Variants in STARD13 observed in about 807,000 individuals in gnomAD.
The protein encoded by STARD13 is StAR related lipid transfer domain containing 13, also known as stAR-related lipid transfer protein 13.
In STARD13, 62 loss-of-function variants were observed where a neutral mutation model predicts 106.4. That is an observed-to-expected ratio of 0.58 (90% confidence interval 0.48 to 0.72). The LOEUF is 0.72. Ranked by LOEUF, STARD13 falls within the 30% of genes least tolerant of loss-of-function variation. The pLI, the probability that STARD13 is intolerant of heterozygous loss-of-function variation, is 0.00. For missense variants in STARD13, 1,387 were observed against 1,424.0 expected, an observed-to-expected ratio of 0.97 and a Z score of 0.42; for synonymous variants, 565 against 553.0, an observed-to-expected ratio of 1.02 and a Z score of -0.31.
intron 1 of STARD13, among the ~76,000 whole-genome samples, chr13:33,211,055 T>C (rs939022622): frequency 6.6e-6 from 1 of 152,162 alleles, no homozygotes; most frequent in African/African-American, 2.4e-5. Context: ...TCATTATAAA[T>C]ATGAAAATAT....
chr13:33,524,315 T>C, the STARD13 span: 2 of 1,246,152 alleles, frequency 1.6e-6, no homozygotes, highest in Non-Finnish European at 2.1e-6. Context: ...GTTTTAGTTC[T>C]ACAAATTCCT....
chr13:33,454,900 A>G, the STARD13 span, among the ~76,000 whole-genome samples: 1 of 152,302 alleles, frequency 6.6e-6, no homozygotes, highest in South Asian at 2.1e-4. Flanking sequence ...TAATAAGGAA[A>G]ATTGAGAAGA....
the STARD13 span, among the ~76,000 whole-genome samples, chr13:33,657,279 C>G: frequency 0.22 from 3,083 of 14,206 alleles, 104 homozygotes; most frequent in African/African-American, 0.3. Context: ...AACAAACAAA[C>G]AAAGAAAAAA....
chr13:33,482,870 T>A, the STARD13 span, among the ~76,000 whole-genome samples: 12 of 152,200 alleles, frequency 7.9e-5, no homozygotes, highest in Non-Finnish European at 1.5e-4. Flanking sequence ...CTCAGATTAG[T>A]TTGTATTTTA....
chr13:33,205,608 G>A (rs1887361253), intron 1 of STARD13, among the ~76,000 whole-genome samples: 1 of 152,214 alleles, frequency 6.6e-6, no homozygotes, highest in Non-Finnish European at 1.5e-5. Context: ...AAATCTAACT[G>A]TAACTTGCAA....
At chr13:33,220,496 G>T (rs989692487) in intron 1 of STARD13, among the ~76,000 whole-genome samples, 3 of 152,044 alleles carry the variant, frequency 2.0e-5, no homozygotes, top group Non-Finnish European at 4.4e-5. Context: ...TTCGAGACCA[G>T]CCTGGCCAAC....
chr13:33,259,041 C>A (rs61941427), intron 1 of STARD13, among the ~76,000 whole-genome samples: 30,154 of 152,066 alleles, frequency 0.2, 3,371 homozygotes, highest in African/African-American at 0.27. Context: ...GATTCTGGAG[C>A]TCCCCTTGGA....
intron 1 of STARD13, among the ~76,000 whole-genome samples, chr13:33,341,798 C>CTT (rs1190235963): frequency 6.9e-6 from 1 of 144,966 alleles, no homozygotes; most frequent in Non-Finnish European, 1.5e-5. Context: ...CAAATGCAAA[C>CTT]TTTTTTTTTT....
chr13:33,153,868 T>A (rs1008751068), intron 3 of STARD13, among the ~76,000 whole-genome samples: 1 of 152,218 alleles, frequency 6.6e-6, no homozygotes, highest in Admixed American at 6.5e-5. Context: ...CCTATGTATG[T>A]CCTAGCCCGG....
the STARD13 span, among the ~76,000 whole-genome samples, chr13:33,466,510 T>C: frequency 0.016 from 2,372 of 152,322 alleles, 68 homozygotes; most frequent in African/African-American, 0.055. Flanking sequence ...TATAGTTCAG[T>C]AACCATTGAC....
At chr13:33,146,753 C>T (rs2858809) in intron 3 of STARD13, among the ~76,000 whole-genome samples, 70,691 of 152,042 alleles carry the variant, frequency 0.46, 16,648 homozygotes, top group East Asian at 0.58. Flanking sequence ...ATATGGGCTT[C>T]CAACAAACTA....
chr13:33,186,617 G>A (rs1885792605), intron 1 of STARD13, among the ~76,000 whole-genome samples: 2 of 151,998 alleles, frequency 1.3e-5, no homozygotes, highest in African/African-American at 4.8e-5. Flanking sequence ...TAAGCTTTAT[G>A]GTACTTCTTT....
chr13:33,592,853 G>A, the STARD13 span, among the ~76,000 whole-genome samples: 6 of 152,194 alleles, frequency 3.9e-5, no homozygotes, highest in Non-Finnish European at 8.8e-5. Flanking sequence ...AGAGGGTAAT[G>A]TAGGCCTAAA....
intron 1 of STARD13, among the ~76,000 whole-genome samples, chr13:33,244,998 C>A (rs1889749904): frequency 6.6e-6 from 1 of 152,226 alleles, no homozygotes; most frequent in Non-Finnish European, 1.5e-5. Flanking sequence ...AAGAAAGAAT[C>A]TCCTTAACAC....
At chr13:33,166,573 G>A (rs1159608064) in intron 2 of STARD13, among the ~76,000 whole-genome samples, 3 of 152,178 alleles carry the variant, frequency 2.0e-5, no homozygotes, top group Non-Finnish European at 4.4e-5. Flanking sequence ...CCTTGAGCCT[G>A]CCACCTGCTC....
chr13:33,358,801 C>T, the STARD13 span, among the ~76,000 whole-genome samples: 8 of 151,404 alleles, frequency 5.3e-5, no homozygotes, highest in African/African-American at 9.7e-5. Flanking sequence ...ATACACCAAT[C>T]GGCACTCTGT....
the STARD13 span, chr13:33,524,415 G>T: frequency 3.0e-5 from 9 of 296,618 alleles, no homozygotes; most frequent in Non-Finnish European, 5.3e-5. Flanking sequence ...ATATATAAAG[G>T]ACTATCCTTA....
intron 3 of STARD13, among the ~76,000 whole-genome samples, chr13:33,146,861 C>G (rs935346320): frequency 6.6e-6 from 1 of 152,152 alleles, no homozygotes; most frequent in African/African-American, 2.4e-5. Context: ...TGCCCTTTTC[C>G]CCAGCTTTTC....
At chr13:33,644,853 T>C in the STARD13 span, among the ~76,000 whole-genome samples, 1 of 152,138 alleles carries the variant, frequency 6.6e-6, no homozygotes, top group African/African-American at 2.4e-5. Context: ...ATAATGACAC[T>C]CAAATGTTGA....
Sources: allele counts gnomAD v4.1 joint callset (sites outside exome capture counted in the v4.1 genomes callset), GRCh38; gene constraint gnomAD v4.1.1; transcripts MANE v1.5; gene names NCBI Gene and HGNC (gene_info 2026-07-23, HGNC 2026-07-21).